UBE2E2: variants seen among roughly 807,000 people sequenced by gnomAD.
UBE2E2 encodes ubiquitin-conjugating enzyme E2 E2.
In UBE2E2, 6 loss-of-function variants were observed where a neutral mutation model predicts 24.7. The ratio of observed to expected loss-of-function variants is 0.24; its 90% CI spans 0.13 to 0.48. The LOEUF (loss-of-function observed/expected upper bound fraction) is 0.48. UBE2E2 is among the 20% of genes least tolerant of loss of function. The pLI is 0.99. For missense variants in UBE2E2, 169 were observed against 245.0 expected (o/e 0.69, Z 2.07); for synonymous variants, 104 against 83.6 (o/e 1.24, Z -1.33).
At chr3:23,343,725 C>T (rs1040515440) in intron 3 of UBE2E2, among the ~76,000 whole-genome samples, 3 of 152,294 alleles carry the variant, frequency 2.0e-5, no homozygotes, top group African/African-American at 2.4e-5. Context: ...AAGGAGACCT[C>T]GTGCCTCCTT....
chr3:23,451,994 T>C (rs1243409053), intron 3 of UBE2E2, among the ~76,000 whole-genome samples: 1 of 152,236 alleles, frequency 6.6e-6, no homozygotes, highest in Non-Finnish European at 1.5e-5. Context: ...AATTAAATTA[T>C]AGAGATTTAA....
rs1405935520 is a variant in UBE2E2, at chr3:23,589,897, G to C, written c.*66G>C. Reference sequence around the variant, plus strand: ...ATTCACCAAGTGCATCGGTAGCCCTGCCCACCCCTCCAGACCTCGGTTCTT... The same window carrying C: ...ATTCACCAAGTGCATCGGTAGCCCTCCCCACCCCTCCAGACCTCGGTTCTT... On this transcript the variant is annotated 3_prime_UTR_variant, in exon 6 of 6. Coordinates refer to ENST00000396703, the MANE Select transcript of UBE2E2 (RefSeq NM_152653.4). The surrounding 1 kb of genome is among the most constrained non-coding windows in gnomAD (Gnocchi z 4.1). The C allele has an allele frequency of 1.3e-6, 2 of 1,496,822 alleles. No individual in the cohort carries two copies. Among genetic ancestry groups the C allele is most frequent in the African/African-American group, 2.8e-5 (2 of 72,534 alleles). 92.7% of individuals were successfully genotyped at this position (1,496,822 alleles called of 1,614,324 possible).
intron 3 of UBE2E2, among the ~76,000 whole-genome samples, chr3:23,262,821 A>G (rs185126692): frequency 3.9e-5 from 6 of 152,236 alleles, no homozygotes; most frequent in Admixed American, 1.3e-4. Context: ...GTCACATCCA[A>G]AAAATCCTTG....
chr3:23,203,697 T>G (rs1363039052), intron 1 of UBE2E2, among the ~76,000 whole-genome samples: 1 of 90,430 alleles, frequency 1.1e-5, no homozygotes, highest in Non-Finnish European at 2.1e-5. Context: ...CATCCCCCCC[T>G]TCTGCCTCTT....
At chr3:23,237,721 A>C (rs1422747095) in intron 3 of UBE2E2, among the ~76,000 whole-genome samples, 1 of 152,148 alleles carries the variant, frequency 6.6e-6, no homozygotes, top group Non-Finnish European at 1.5e-5. Context: ...TCATTCTTAC[A>C]GGTAGGCGAA....
At position 23,495,719 on chromosome 3, in the gene UBE2E2, A is replaced by G. The variant is rs905058935; in HGVS notation, c.228-3889A>G. Among the ~76,000 whole-genome samples the G allele has an allele frequency of 8.5e-5, 13 of 152,322 alleles. 2 individuals are homozygous for G. The highest frequency in any genetic ancestry group is 2.0e-4 in the Admixed American group (3 of 15,288). On this transcript the variant is annotated intron_variant, in intron 3 of 5. Transcript: ENST00000396703. ...GAGTGAGTGAGCTTGTCTGGCAACA[A>G]GAGGCTGTTGTTGCCAAAGCTTTAT...
chr3:23,362,321 C>T (rs1194568699), intron 3 of UBE2E2, among the ~76,000 whole-genome samples: 5 of 152,164 alleles, frequency 3.3e-5, no homozygotes, highest in Non-Finnish European at 7.4e-5. Context: ...GCACATCCCC[C>T]TGCGCTTATA....
At chr3:23,513,925 G>C (rs1694668920) in intron 4 of UBE2E2, among the ~76,000 whole-genome samples, 1 of 152,166 alleles carries the variant, frequency 6.6e-6, no homozygotes, top group Non-Finnish European at 1.5e-5. Context: ...TTCATCTGTA[G>C]AAAGAGGCTT....
intron 2 of UBE2E2, among the ~76,000 whole-genome samples, chr3:23,210,968 C>G (rs1696306810): frequency 6.6e-6 from 1 of 151,556 alleles, no homozygotes; most frequent in Non-Finnish European, 1.5e-5. Flanking sequence ...TCCCCTCTCT[C>G]TTCCTCCAAT....
At chr3:23,214,164 A>G (rs1267100111) in intron 2 of UBE2E2, among the ~76,000 whole-genome samples, 1 of 152,168 alleles carries the variant, frequency 6.6e-6, no homozygotes, top group Non-Finnish European at 1.5e-5. Context: ...TCATCAGTAA[A>G]TTGCTTTTTG....
chr3:23,355,703 C>T (rs551508011), intron 3 of UBE2E2, among the ~76,000 whole-genome samples: 20 of 152,162 alleles, frequency 1.3e-4, no homozygotes, highest in Admixed American at 1.2e-3. Context: ...AAATTACTGT[C>T]ACAGTCTCCG....
intron 3 of UBE2E2, among the ~76,000 whole-genome samples, chr3:23,441,589 T>C (rs984092067): frequency 6.7e-6 from 1 of 150,016 alleles, no homozygotes; most frequent in African/African-American, 2.5e-5. Flanking sequence ...GTGGAGGAGA[T>C]GCCACCATCT....
At chr3:23,528,859 G>C (rs375917804) in intron 4 of UBE2E2, among the ~76,000 whole-genome samples, 2 of 152,050 alleles carry the variant, frequency 1.3e-5, no homozygotes, top group Admixed American at 1.3e-4. Context: ...GATCCCTGGG[G>C]CATGAGATTT....
chr3:23,265,340 A>T (rs1415753389), intron 3 of UBE2E2, among the ~76,000 whole-genome samples: 4 of 152,014 alleles, frequency 2.6e-5, no homozygotes, highest in Non-Finnish European at 5.9e-5. Context: ...CAGTTCCCTC[A>T]CCCTCCCCAC....
At chr3:23,281,600 T>C (rs1698491758) in intron 3 of UBE2E2, among the ~76,000 whole-genome samples, 1 of 152,208 alleles carries the variant, frequency 6.6e-6, no homozygotes, top group Admixed American at 6.5e-5. Context: ...ATGGCACCAC[T>C]GCATTCCAGC....
chr3:23,504,905 ATTCT>A (rs1489497155), intron 4 of UBE2E2, among the ~76,000 whole-genome samples: 7 of 74,204 alleles, frequency 9.4e-5, no homozygotes, highest in African/African-American at 3.8e-4. Context: ...TGTTTCAGAC[ATTCT>A]TTCTTTTTTT....
At chr3:23,296,166 G>A (rs1698902700) in intron 3 of UBE2E2, among the ~76,000 whole-genome samples, 1 of 152,086 alleles carries the variant, frequency 6.6e-6, no homozygotes, top group Non-Finnish European at 1.5e-5. Context: ...TCTGTTTCCA[G>A]TTCAGCTCGG....
At chr3:23,416,717 G>T (rs1276411688) in intron 3 of UBE2E2, among the ~76,000 whole-genome samples, 4 of 151,998 alleles carry the variant, frequency 2.6e-5, no homozygotes, top group Non-Finnish European at 5.9e-5. Flanking sequence ...TTTTCACATA[G>T]TCCCATATTT....
At chr3:23,522,907 A>C (rs1008629302) in intron 4 of UBE2E2, among the ~76,000 whole-genome samples, 1 of 152,192 alleles carries the variant, frequency 6.6e-6, no homozygotes, top group African/African-American at 2.4e-5. Flanking sequence ...AAAAATGCCC[A>C]CTGAGAATGA....
Sources: gnomAD v4.1 joint callset for allele counts (sites outside exome capture counted in the v4.1 genomes callset) on GRCh38, gnomAD v4.1.1 for gene constraint, Gnocchi (gnomAD v3.1) non-coding constraint, MANE v1.5 for transcripts, NCBI Gene and HGNC (gene_info 2026-07-23, HGNC 2026-07-21) for gene names.